Variants in OSBPL10 observed in about 807,000 individuals in gnomAD.
OSBPL10 encodes the protein oxysterol binding protein like 10.
In OSBPL10, 49 loss-of-function variants were observed where a neutral mutation model predicts 81.7. The ratio of observed to expected loss-of-function variants is 0.60; its 90% CI spans 0.48 to 0.76. The LOEUF (loss-of-function observed/expected upper bound fraction) is 0.76. Among genes scored for constraint, OSBPL10 ranks in the 30% least tolerant of loss-of-function variants. The probability of loss-of-function intolerance (pLI) is 0.00; values close to 1 mark genes in which losing one functional copy is unlikely to be tolerated. For synonymous variants in OSBPL10, 419 were observed against 383.6 expected (o/e 1.09, Z -1.08); for missense variants, 923 against 987.8 (o/e 0.93, Z 0.88).
At chr3:31,938,300 T>A (rs1697437528) in intron 1 of OSBPL10, among the ~76,000 whole-genome samples, 1 of 151,988 alleles carries the variant, frequency 6.6e-6, no homozygotes, top group Admixed American at 6.6e-5. Context: ...TCTTAAACAC[T>A]CACTCAACCA....
chr3:32,057,390 T>C (rs1157804212), intron 1 of OSBPL10, among the ~76,000 whole-genome samples: 1 of 152,194 alleles, frequency 6.6e-6, no homozygotes, highest in Non-Finnish European at 1.5e-5. Flanking sequence ...TAAAATCTAC[T>C]TGTATTAGTC....
chr3:31,687,585 G>C (rs71323056), intron 7 of OSBPL10, among the ~76,000 whole-genome samples: 1 of 152,148 alleles, frequency 6.6e-6, no homozygotes, highest in Non-Finnish European at 1.5e-5. Context: ...CCACAGGTGA[G>C]GGCGCTATGC....
At chr3:31,686,778 A>G (rs1159947955) in intron 7 of OSBPL10, among the ~76,000 whole-genome samples, 2 of 152,100 alleles carry the variant, frequency 1.3e-5, no homozygotes, top group Non-Finnish European at 2.9e-5. Context: ...ATTACTTCCT[A>G]TGCCTTTTTC....
At chr3:32,030,352 C>G (rs1277270220) in intron 2 of OSBPL10, 2 of 529,766 alleles carry the variant, frequency 3.8e-6, no homozygotes, top group Admixed American at 4.7e-5. Flanking sequence ...AAAAGGAATG[C>G]CCCACAAGAG....
chr3:31,715,492 C>A (rs17028079), intron 6 of OSBPL10, among the ~76,000 whole-genome samples: 1 of 152,104 alleles, frequency 6.6e-6, no homozygotes. Context: ...TGGGATCACT[C>A]GAACGTTACT....
chr3:31,912,902 G>A (rs1459227091), intron 1 of OSBPL10, among the ~76,000 whole-genome samples: 3 of 152,162 alleles, frequency 2.0e-5, no homozygotes, highest in Non-Finnish European at 4.4e-5. Context: ...TGCAGAAGGT[G>A]AGCAAGGGTG....
chr3:31,920,664 A>G (rs1173474800), intron 1 of OSBPL10, among the ~76,000 whole-genome samples: 1 of 152,140 alleles, frequency 6.6e-6, no homozygotes, highest in East Asian at 1.9e-4. Flanking sequence ...TTGGAATGTG[A>G]TCCAAAATGT....
chr3:32,025,850 T>C (rs1257420896), intron 2 of OSBPL10, among the ~76,000 whole-genome samples: 1 of 152,202 alleles, frequency 6.6e-6, no homozygotes, highest in Non-Finnish European at 1.5e-5. Flanking sequence ...TCTTCTTTTC[T>C]TGGTCTAGCA....
intron 4 of OSBPL10, among the ~76,000 whole-genome samples, chr3:31,753,701 A>T (rs933750493): frequency 5.3e-5 from 8 of 152,286 alleles, no homozygotes; most frequent in Middle Eastern, 3.4e-3. Flanking sequence ...CTGCCCTCTA[A>T]AAGTCTTTGA....
chr3:31,780,290 CA>C (rs200635067), intron 4 of OSBPL10, among the ~76,000 whole-genome samples: 3 of 149,318 alleles, frequency 2.0e-5, no homozygotes, highest in African/African-American at 4.9e-5. Context: ...AAGACTCCGT[CA>C]AAAAAAAAGA....
At chr3:31,723,882 T>C (rs966315390) in intron 6 of OSBPL10, among the ~76,000 whole-genome samples, 1 of 152,192 alleles carries the variant, frequency 6.6e-6, no homozygotes, top group African/African-American at 2.4e-5. Flanking sequence ...TTTAGAATAG[T>C]CATTCATCGT....
At chr3:31,761,192 C>T (rs112087894) in intron 4 of OSBPL10, among the ~76,000 whole-genome samples, 4,207 of 152,150 alleles carry the variant, frequency 0.028, 89 homozygotes, top group Middle Eastern at 0.037. Flanking sequence ...AAGAAGTTTC[C>T]GCCAGGCGCG....
At chr3:31,912,328 A>G (rs1696603871) in intron 1 of OSBPL10, among the ~76,000 whole-genome samples, 1 of 150,424 alleles carries the variant, frequency 6.6e-6, no homozygotes, top group African/African-American at 2.5e-5. Context: ...CAGGAGGCAG[A>G]GGTTGCAGTG....
intron 4 of OSBPL10, among the ~76,000 whole-genome samples, chr3:31,764,937 A>G (rs565441310): frequency 6.6e-6 from 1 of 152,322 alleles, no homozygotes; most frequent in Admixed American, 6.5e-5. Context: ...TTTTCACCAG[A>G]TAGCCTTCCA....
intron 3 of OSBPL10, among the ~76,000 whole-genome samples, chr3:31,839,487 T>C (rs1275495513): frequency 7.0e-6 from 1 of 142,524 alleles, no homozygotes; most frequent in Admixed American, 7.0e-5. Flanking sequence ...AAAAGACAAA[T>C]AGGTGAAATA....
intron 3 of OSBPL10, among the ~76,000 whole-genome samples, chr3:31,868,060 A>G (rs1701227402): frequency 6.8e-6 from 1 of 148,040 alleles, no homozygotes; most frequent in Non-Finnish European, 1.5e-5. Flanking sequence ...ACGTACAAGA[A>G]AAAAAAAAAA....
chr3:31,748,499 C>CAAA (rs1697606736), intron 4 of OSBPL10, among the ~76,000 whole-genome samples: 1 of 152,122 alleles, frequency 6.6e-6, no homozygotes, highest in African/African-American at 2.4e-5. Context: ...GTGTGGCTTT[C>CAAA]CCTCCTTGCT....
At chr3:31,826,595 G>T (rs1426368878) in intron 4 of OSBPL10, among the ~76,000 whole-genome samples, 3 of 152,154 alleles carry the variant, frequency 2.0e-5, no homozygotes, top group Non-Finnish European at 4.4e-5. Flanking sequence ...TGTGTATGAT[G>T]ATTTTCTCCA....
At chr3:31,838,267 T>C (rs1490713802) in intron 3 of OSBPL10, among the ~76,000 whole-genome samples, 1 of 152,014 alleles carries the variant, frequency 6.6e-6, no homozygotes, top group Non-Finnish European at 1.5e-5. Flanking sequence ...TCCCAGCACT[T>C]TGGGAGGCTG....
Sources: allele counts gnomAD v4.1 joint callset (sites outside exome capture counted in the v4.1 genomes callset), GRCh38; gene constraint gnomAD v4.1.1; transcripts MANE v1.5; gene names NCBI Gene and HGNC (gene_info 2026-07-23, HGNC 2026-07-21).